Variants in LRRFIP1 observed in about 807,000 individuals in gnomAD.
The protein encoded by LRRFIP1 is LRR binding FLII interacting protein 1.
A neutral mutation model predicts 104.4 loss-of-function variants in LRRFIP1; 62 were observed. The ratio of observed to expected loss-of-function variants is 0.59; its 90% CI spans 0.48 to 0.73. The LOEUF (loss-of-function observed/expected upper bound fraction) is 0.73. Ranked by LOEUF, LRRFIP1 falls within the 30% of genes least tolerant of loss-of-function variation. The pLI is 0.00. For synonymous variants in LRRFIP1, 300 were observed against 299.0 expected (o/e 1.00, Z -0.03); for missense variants, 796 against 824.5 (o/e 0.97, Z 0.42).
intron 1 of LRRFIP1, among the ~76,000 whole-genome samples, chr2:237,695,657 G>GTAA (rs371498766): frequency 2.6e-5 from 4 of 152,280 alleles, no homozygotes; most frequent in Non-Finnish European, 5.9e-5. Context: ...TCACCAATCA[G>GTAA]TAAGTCCATT....
At chr2:237,761,817 G>A (rs545782357) in intron 19 of LRRFIP1, among the ~76,000 whole-genome samples, 4 of 152,296 alleles carry the variant, frequency 2.6e-5, no homozygotes, top group Admixed American at 6.5e-5. Context: ...CAGTAACATA[G>A]TACCATATCT....
intron 1 of LRRFIP1, among the ~76,000 whole-genome samples, chr2:237,645,339 C>G (rs751257337): frequency 6.6e-6 from 1 of 152,206 alleles, no homozygotes; most frequent in Non-Finnish European, 1.5e-5. Context: ...GGCTCAGCCC[C>G]GTGCCCCTGG....
At chr2:237,734,273 C>CTTTTTTT (rs71870330) in intron 9 of LRRFIP1, among the ~76,000 whole-genome samples, 23 of 90,204 alleles carry the variant, frequency 2.5e-4, no homozygotes, top group African/African-American at 5.3e-4. Flanking sequence ...TGTTAATAAC[C>CTTTTTTT]TTTTTTTTTT....
chr2:237,708,889 G>A (rs2093946948), intron 2 of LRRFIP1: 1 of 596,952 alleles, frequency 1.7e-6, no homozygotes, highest in African/African-American at 1.8e-5. Context: ...GTCGTTTCTA[G>A]CTGCGAGGAG....
At chr2:237,669,312 A>T (rs2089982145) in intron 1 of LRRFIP1, among the ~76,000 whole-genome samples, 1 of 152,230 alleles carries the variant, frequency 6.6e-6, no homozygotes, top group Non-Finnish European at 1.5e-5. Context: ...ATCAGTTTAC[A>T]CTTGCATTTG....
rs2093485341 is a variant in LRRFIP1 at position 237,700,920 on chromosome 2, A to C, written c.97-7624A>C. 2.0e-5 allele frequency among the ~76,000 whole-genome samples: 3 copies of C among 152,194 alleles called. No individual in the cohort carries two copies. The South Asian group carries it at 6.2e-4, about 31-fold the overall frequency. The stretch of plus-strand genomic sequence containing the variant: ...ATTTCTCAGGAACTGCCTGCCCTAA[A>C]GTTGTGGCTCATAAACCCCTTCCAG... On this transcript the variant is annotated intron_variant, in intron 1 of 23. Coordinates refer to ENST00000308482, the MANE Select transcript of LRRFIP1 (RefSeq NM_001137550.2).
At chr2:237,668,135 C>G (rs1575310615) in intron 1 of LRRFIP1, among the ~76,000 whole-genome samples, 1 of 152,120 alleles carries the variant, frequency 6.6e-6, no homozygotes, top group African/African-American at 2.4e-5. Context: ...GCCGGGGCTC[C>G]CCCGAGCTTG....
intron 13 of LRRFIP1, among the ~76,000 whole-genome samples, chr2:237,750,988 A>C (rs1289452776): frequency 6.6e-6 from 1 of 152,208 alleles, no homozygotes; most frequent in East Asian, 1.9e-4. Context: ...GATACACTAA[A>C]ATTGTATAAA....
intron 1 of LRRFIP1, among the ~76,000 whole-genome samples, chr2:237,651,369 C>A (rs543068957): frequency 1.2e-4 from 18 of 152,352 alleles, no homozygotes; most frequent in African/African-American, 3.6e-4. Context: ...CACTTGAATT[C>A]CTTGGTATCA....
At chr2:237,762,575 C>A (rs1422800571) in intron 19 of LRRFIP1, 1 of 1,545,784 alleles carries the variant, frequency 6.5e-7, no homozygotes, top group Middle Eastern at 1.7e-4. Flanking sequence ...ATCATGGGGT[C>A]CCTTCAATTT....
chr2:237,720,891 C>T (rs1307501043), intron 6 of LRRFIP1, 69 bp downstream of exon 6: 11 of 1,368,990 alleles, frequency 8.0e-6, no homozygotes, highest in Admixed American at 3.4e-5. Context: ...TTCTCATCCC[C>T]GCATTCTGAT....
At chr2:237,752,158 C>T (rs563957419) in intron 14 of LRRFIP1, among the ~76,000 whole-genome samples, 6 of 152,278 alleles carry the variant, frequency 3.9e-5, no homozygotes, top group Admixed American at 2.0e-4. Context: ...TGTAATTCCA[C>T]ACTTTGGGAG....
chr2:237,753,953 T>C (rs2058967438), intron 15 of LRRFIP1, among the ~76,000 whole-genome samples: 1 of 152,094 alleles, frequency 6.6e-6, no homozygotes, highest in South Asian at 2.1e-4. Flanking sequence ...ATCCAGGAAA[T>C]CCAAACATCT....
intron 1 of LRRFIP1, among the ~76,000 whole-genome samples, chr2:237,658,811 C>T (rs559277627): frequency 6.6e-6 from 1 of 152,316 alleles, no homozygotes; most frequent in Non-Finnish European, 1.5e-5. Flanking sequence ...CTGGTCTCTC[C>T]TTTGACATGC....
At chr2:237,702,311 C>T (rs1371997567) in intron 1 of LRRFIP1, among the ~76,000 whole-genome samples, 1 of 152,048 alleles carries the variant, frequency 6.6e-6, no homozygotes, top group Non-Finnish European at 1.5e-5. Context: ...ATCTTTTTTT[C>T]CCAGCCATCC....
At chr2:237,752,056 T>C (rs1433687768) in intron 14 of LRRFIP1, among the ~76,000 whole-genome samples, 1 of 152,178 alleles carries the variant, frequency 6.6e-6, no homozygotes, top group Non-Finnish European at 1.5e-5. Flanking sequence ...TATCTTCATA[T>C]CTGCCACCTT....
intron 11 of LRRFIP1, among the ~76,000 whole-genome samples, chr2:237,743,076 T>A (rs142074451): frequency 0.015 from 2,335 of 151,934 alleles, 63 homozygotes; most frequent in African/African-American, 0.052. Flanking sequence ...TGGCTGGGGT[T>A]AGCCAGGGAT....
At chr2:237,700,689 C>T (rs1043268573) in intron 1 of LRRFIP1, among the ~76,000 whole-genome samples, 1 of 152,208 alleles carries the variant, frequency 6.6e-6, no homozygotes, top group African/African-American at 2.4e-5. Flanking sequence ...AGTCCTCTGT[C>T]CATTGGCCCA....
intron 20 of LRRFIP1, chr2:237,771,847 C>T (rs1357595304): frequency 4.0e-6 from 2 of 499,750 alleles, no homozygotes; most frequent in African/African-American, 3.8e-5. Flanking sequence ...TGTACAGTCT[C>T]CTCCTGAGTC....
Sources: allele counts gnomAD v4.1 joint callset (sites outside exome capture counted in the v4.1 genomes callset), GRCh38; gene constraint gnomAD v4.1.1; transcripts MANE v1.5; gene names NCBI Gene and HGNC (gene_info 2026-07-23, HGNC 2026-07-21).